FGGY: variants seen among roughly 807,000 people sequenced by gnomAD.
FGGY encodes the protein FGGY carbohydrate kinase domain-containing protein.
A neutral mutation model predicts 71.3 loss-of-function variants in FGGY; 72 were observed. The ratio of observed to expected loss-of-function variants is 1.01; its 90% CI spans 0.84 to 1.23. The LOEUF (loss-of-function observed/expected upper bound fraction) is 1.23. Among genes scored for constraint, FGGY ranks in the 50% most tolerant of loss-of-function variants. The probability of loss-of-function intolerance (pLI) is 0.00; values close to 1 mark genes in which losing one functional copy is unlikely to be tolerated. For synonymous variants in FGGY, 251 were observed against 250.3 expected (o/e 1.00, Z -0.02); for missense variants, 668 against 682.3 (o/e 0.98, Z 0.23).
chr1:59,653,731 G>A (rs1390148695), intron 11 of FGGY, among the ~76,000 whole-genome samples: 4 of 152,214 alleles, frequency 2.6e-5, no homozygotes, highest in Admixed American at 1.3e-4. Flanking sequence ...CTCACGCTGG[G>A]AGCTGTAGAC....
At chr1:59,392,066 G>A (rs2060761577) in intron 5 of FGGY, among the ~76,000 whole-genome samples, 1 of 152,092 alleles carries the variant, frequency 6.6e-6, no homozygotes, top group African/African-American at 2.4e-5. Context: ...TACATTCCTG[G>A]ATCATGCCTT....
chr1:59,634,280 G>A (rs367841044), intron 10 of FGGY, among the ~76,000 whole-genome samples: 146 of 152,194 alleles, frequency 9.6e-4, no homozygotes, highest in African/African-American at 3.3e-3. Context: ...GGTGGCACAC[G>A]CCTGTAGTCC....
chr1:59,375,726 T>G (rs1234237149), intron 4 of FGGY, among the ~76,000 whole-genome samples: 1 of 152,144 alleles, frequency 6.6e-6, no homozygotes, highest in African/African-American at 2.4e-5. Flanking sequence ...TCCTTGCTCC[T>G]CCTATTCCCA....
rs183457048 is a variant in FGGY at position 59,734,466 on chromosome 1, A to C, written c.1513-23465A>C. ...CAATCCACCCACCTTGGCCTCCCAG[A>C]GTTCTGGGATTACAGGCGTGAGTCA... On this transcript the variant is annotated intron_variant, in intron 14 of 15. Coordinates refer to ENST00000303721, the MANE Select transcript of FGGY (RefSeq NM_018291.5). Among the ~76,000 whole-genome samples the C allele has an allele frequency of 2.6e-5, 4 of 152,252 alleles. No individual in the cohort carries two copies. In the East Asian group the frequency reaches 7.8e-4, roughly 30 times the overall value.
At chr1:59,357,850 C>T (rs750915407) in intron 4 of FGGY, among the ~76,000 whole-genome samples, 5 of 152,188 alleles carry the variant, frequency 3.3e-5, no homozygotes, top group Admixed American at 6.5e-5. Flanking sequence ...TTACCTGTTG[C>T]CAGTCTTCCT....
At position 59,675,199 on chromosome 1, in the gene FGGY, C is replaced by T. The variant is rs927036258; in HGVS notation, c.1512+1066C>T. Among the ~76,000 whole-genome samples the T allele has an allele frequency of 5.0e-4, 76 of 152,054 alleles. 1 individual carries two copies. The highest frequency in any genetic ancestry group is 1.7e-3 in the African/African-American group (71 of 41,400). Reference sequence around the variant, plus strand: ...TATTTGTTCAGCAAAGCAGCAGAGTCCAAATGACTTGCCCATGGTCTCAAG... The same window carrying T: ...TATTTGTTCAGCAAAGCAGCAGAGTTCAAATGACTTGCCCATGGTCTCAAG... On this transcript the variant is annotated intron_variant, in intron 14 of 15. Coordinates refer to ENST00000303721, the MANE Select transcript of FGGY (RefSeq NM_018291.5).
rs924522560 is a variant in FGGY at position 59,553,323 on chromosome 1, A to G, written c.800-801A>G. ...ACACCTAGTATATATCGTTTTGTGCATAGAAGGGGCTTATTGGATATTTGA... is the reference window on the plus strand; with the variant it reads ...ACACCTAGTATATATCGTTTTGTGCGTAGAAGGGGCTTATTGGATATTTGA... On this transcript the variant is annotated intron_variant, in intron 7 of 15. Coordinates refer to ENST00000303721, the MANE Select transcript of FGGY (RefSeq NM_018291.5). 2.0e-5 allele frequency among the ~76,000 whole-genome samples: 3 copies of G among 152,322 alleles called. No individual in the cohort carries two copies. In the East Asian group the frequency reaches 5.8e-4, roughly 29 times the overall value.
Position 59,628,219 on chromosome 1 carries a change from A to G in FGGY, c.1073+2170A>G, listed in dbSNP as rs941937225. ...GTGATGAAAGTAAACAACACCAGCAATAACATGTAGTGATATCATGTATCT... is the reference window on the plus strand; with the variant it reads ...GTGATGAAAGTAAACAACACCAGCAGTAACATGTAGTGATATCATGTATCT... On this transcript the variant is annotated intron_variant, in intron 10 of 15. Coordinates refer to ENST00000303721, the MANE Select transcript of FGGY (RefSeq NM_018291.5). Among the ~76,000 whole-genome samples, 5 of 152,214 alleles carry G rather than the reference A, an allele frequency of 3.3e-5. No individual in the cohort carries two copies. The East Asian group carries it at 5.8e-4, about 18-fold the overall frequency.
chr1:59,314,107 C>T (rs959466250), intron 1 of FGGY, among the ~76,000 whole-genome samples: 6 of 151,970 alleles, frequency 3.9e-5, no homozygotes, highest in Non-Finnish European at 5.9e-5. Context: ...CTGGGACTAT[C>T]GGTGCCTGCC....
chr1:59,576,976 C>T (rs908399342), intron 8 of FGGY, among the ~76,000 whole-genome samples: 23 of 152,188 alleles, frequency 1.5e-4, no homozygotes, highest in African/African-American at 5.5e-4. Context: ...TAGGCATTCA[C>T]TATCCATTCA....
intron 2 of FGGY, among the ~76,000 whole-genome samples, chr1:59,332,239 GT>G (rs1411882102): frequency 6.6e-6 from 1 of 152,168 alleles, no homozygotes; most frequent in Admixed American, 6.5e-5. Context: ...CATGGAACAG[GT>G]TACCAAATGA....
At chr1:59,421,439 G>A (rs2065401370) in intron 5 of FGGY, among the ~76,000 whole-genome samples, 1 of 151,766 alleles carries the variant, frequency 6.6e-6, no homozygotes, top group Non-Finnish European at 1.5e-5. Context: ...AAGAATCAGG[G>A]TGTGGTATAG....
chr1:59,442,034 T>G (rs1036592525), intron 5 of FGGY, among the ~76,000 whole-genome samples: 2 of 152,176 alleles, frequency 1.3e-5, no homozygotes, highest in African/African-American at 4.8e-5. Context: ...GCCCTCTTCC[T>G]CTGTTGTTCC....
At chr1:59,657,725 G>T (rs186098054) in intron 11 of FGGY, among the ~76,000 whole-genome samples, 2 of 152,312 alleles carry the variant, frequency 1.3e-5, no homozygotes, top group Admixed American at 6.5e-5. Context: ...CCCAGATGGG[G>T]TGCCTTTTTC....
intron 14 of FGGY, among the ~76,000 whole-genome samples, chr1:59,683,060 C>T (rs899868658): frequency 7.2e-5 from 11 of 152,154 alleles, no homozygotes; most frequent in Non-Finnish European, 8.8e-5. Context: ...ATGATAAAAA[C>T]GCTGGAATCC....
intron 9 of FGGY, among the ~76,000 whole-genome samples, chr1:59,621,478 A>AT (rs1490465953): frequency 6.7e-6 from 1 of 149,486 alleles, no homozygotes; most frequent in Non-Finnish European, 1.5e-5. Flanking sequence ...AAAAAAAAAA[A>AT]AAGAACTTGT....
chr1:59,744,819 G>A (rs958135931), intron 14 of FGGY, among the ~76,000 whole-genome samples: 18 of 152,178 alleles, frequency 1.2e-4, no homozygotes, highest in African/African-American at 4.3e-4. Flanking sequence ...GAAAGTTAAT[G>A]GCTTCTACCC....
intron 6 of FGGY, among the ~76,000 whole-genome samples, chr1:59,459,594 A>G (rs1295227605): frequency 2.0e-5 from 3 of 152,232 alleles, no homozygotes; most frequent in Admixed American, 2.0e-4. Flanking sequence ...AAATGATCCA[A>G]CAAACTGATC....
intron 11 of FGGY, among the ~76,000 whole-genome samples, chr1:59,651,603 T>A (rs550264557): frequency 8.0e-5 from 12 of 150,282 alleles, no homozygotes; most frequent in Admixed American, 2.6e-4. Context: ...TCCATTTGCT[T>A]GGTAGATCTT....
Sources: gnomAD v4.1 joint callset for allele counts (sites outside exome capture counted in the v4.1 genomes callset) on GRCh38, gnomAD v4.1.1 for gene constraint, MANE v1.5 for transcripts, NCBI Gene and HGNC (gene_info 2026-07-23, HGNC 2026-07-21) for gene names.